The following LRP1B variants were observed in gnomAD, a reference collection of about 807,000 sequenced individuals.
LRP1B encodes LDL receptor related protein 1B, also known as low-density lipoprotein receptor-related protein 1B.
A neutral mutation model predicts 556.6 loss-of-function variants in LRP1B; 217 were observed. The ratio of observed to expected loss-of-function variants is 0.39; its 90% CI spans 0.35 to 0.44. The LOEUF is 0.44. Ranked by LOEUF, LRP1B falls within the 20% of genes least tolerant of loss-of-function variation. The pLI, the probability that LRP1B is intolerant of heterozygous loss-of-function variation, is 1.00. For synonymous variants in LRP1B, 2,047 were observed against 1,865.8 expected (o/e 1.10, Z -2.50); for missense variants, 5,053 against 5,620.8 (o/e 0.90, Z 3.23).
At chr2:140,983,831 T>C (rs990955591) in intron 17 of LRP1B, among the ~76,000 whole-genome samples, 2 of 151,970 alleles carry the variant, frequency 1.3e-5, no homozygotes, top group African/African-American at 4.8e-5. Flanking sequence ...ATTTTTTACA[T>C]TTTACAAATT....
chr2:141,190,027 C>A (rs1463544788), intron 6 of LRP1B, among the ~76,000 whole-genome samples: 1 of 151,918 alleles, frequency 6.6e-6, no homozygotes, highest in East Asian at 1.9e-4. Context: ...AAGATTAAGT[C>A]AGAAGAAAAG....
At chr2:141,916,105 CA>C (rs1238320021) in intron 1 of LRP1B, among the ~76,000 whole-genome samples, 3 of 152,038 alleles carry the variant, frequency 2.0e-5, no homozygotes, top group East Asian at 1.9e-4. Flanking sequence ...AATCATTTTA[CA>C]AAAAAACACA....
intron 1 of LRP1B, among the ~76,000 whole-genome samples, chr2:141,862,390 C>T (rs975610044): frequency 6.6e-6 from 1 of 152,072 alleles, no homozygotes; most frequent in African/African-American, 2.4e-5. Context: ...TTGCCATAAA[C>T]ACCAATAAAA....
At chr2:141,957,753 G>A (rs1035109782) in intron 1 of LRP1B, among the ~76,000 whole-genome samples, 41 of 151,902 alleles carry the variant, frequency 2.7e-4, no homozygotes, top group Admixed American at 2.0e-3. Flanking sequence ...ATATACTGGC[G>A]AGAATATTTT....
chr2:140,654,284 A>T (rs1684795043), intron 41 of LRP1B, among the ~76,000 whole-genome samples: 1 of 152,152 alleles, frequency 6.6e-6, no homozygotes, highest in South Asian at 2.1e-4. Flanking sequence ...GACTATTAAA[A>T]ATCTGAGGAG....
At chr2:141,850,183 A>C (rs1273740992) in intron 1 of LRP1B, among the ~76,000 whole-genome samples, 1 of 151,742 alleles carries the variant, frequency 6.6e-6, no homozygotes, top group African/African-American at 2.4e-5. Context: ...AGCAAGGATT[A>C]ATTATCAATC....
intron 3 of LRP1B, among the ~76,000 whole-genome samples, chr2:141,322,256 G>A (rs1235474830): frequency 6.6e-6 from 1 of 152,030 alleles, no homozygotes; most frequent in Non-Finnish European, 1.5e-5. Context: ...CTTAAGGAAT[G>A]GGCAAGGGAA....
At chr2:140,944,917 C>G (rs1262716998) in intron 20 of LRP1B, among the ~76,000 whole-genome samples, 3 of 152,052 alleles carry the variant, frequency 2.0e-5, no homozygotes, top group Non-Finnish European at 4.4e-5. Flanking sequence ...AGAGAGCAAT[C>G]AGTTAATAGA....
At chr2:140,836,285 G>A (rs1691900156) in intron 31 of LRP1B, among the ~76,000 whole-genome samples, 1 of 152,124 alleles carries the variant, frequency 6.6e-6, no homozygotes, top group African/African-American at 2.4e-5. Context: ...ATATGCAACT[G>A]TGCCTTAGAA....
At chr2:141,565,695 G>T (rs988631136) in intron 2 of LRP1B, among the ~76,000 whole-genome samples, 1 of 152,172 alleles carries the variant, frequency 6.6e-6, no homozygotes, top group African/African-American at 2.4e-5. Context: ...ATATGAAATG[G>T]CAAAATATAT....
chr2:141,672,674 A>C (rs1690718950), intron 2 of LRP1B, among the ~76,000 whole-genome samples: 1 of 152,200 alleles, frequency 6.6e-6, no homozygotes, highest in South Asian at 2.1e-4. Context: ...CTGTGGAATG[A>C]CTAGGGAAAA....
rs553571247 is a variant in LRP1B, at chr2:141,435,755, A to G, written c.343+44641T>C. ...GCTGAACCAGGGAGATCAGGCTCCC[A>G]ATATTCTTGGCACACTGTGCCTGAA... On this transcript the variant is annotated intron_variant, in intron 3 of 90. Coordinates refer to ENST00000389484, the MANE Select transcript of LRP1B (RefSeq NM_018557.3). Among the ~76,000 whole-genome samples, 10 of 152,250 alleles carry G rather than the reference A, an allele frequency of 6.6e-5. No individual in the cohort carries two copies. The East Asian group carries it at 1.9e-3, about 29-fold the overall frequency.
intron 2 of LRP1B, among the ~76,000 whole-genome samples, chr2:141,613,945 C>A (rs997222599): frequency 1.3e-5 from 2 of 150,946 alleles, no homozygotes; most frequent in Admixed American, 1.3e-4. Context: ...TAGTGGCAGG[C>A]GCCTATAATC....
chr2:141,545,090 A>G (rs936316451), intron 2 of LRP1B, among the ~76,000 whole-genome samples: 1 of 152,218 alleles, frequency 6.6e-6, no homozygotes, highest in African/African-American at 2.4e-5. Flanking sequence ...AGAGAGATCA[A>G]ATAACTTGTC....
At chr2:140,419,077 A>G (rs1192287974) in intron 66 of LRP1B, among the ~76,000 whole-genome samples, 1 of 152,200 alleles carries the variant, frequency 6.6e-6, no homozygotes, top group Admixed American at 6.5e-5. Flanking sequence ...TTAGGGAAAC[A>G]TTTCTGAGCA....
chr2:142,104,933 G>GT (rs1415079859), intron 1 of LRP1B, among the ~76,000 whole-genome samples: 5 of 152,196 alleles, frequency 3.3e-5, no homozygotes, highest in African/African-American at 1.2e-4. Flanking sequence ...TGTCTCAAAT[G>GT]TCCTAACATG....
intron 2 of LRP1B, among the ~76,000 whole-genome samples, chr2:141,486,929 C>A (rs962498475): frequency 6.6e-6 from 1 of 152,136 alleles, no homozygotes; most frequent in African/African-American, 2.4e-5. Context: ...CTCTGTGGTC[C>A]CGGCCACAGT....
intron 41 of LRP1B, among the ~76,000 whole-genome samples, chr2:140,601,924 C>A (rs780697030): frequency 6.6e-6 from 1 of 152,040 alleles, no homozygotes; most frequent in Non-Finnish European, 1.5e-5. Context: ...TGGTGGCTCT[C>A]TTTCTTGTAT....
At chr2:141,404,417 G>T (rs1573906957) in intron 3 of LRP1B, among the ~76,000 whole-genome samples, 2 of 152,092 alleles carry the variant, frequency 1.3e-5, no homozygotes, top group Admixed American at 1.3e-4. Flanking sequence ...AAAGTAGCCA[G>T]GAAGGGAAGT....
Sources: gnomAD v4.1 joint callset for allele counts (sites outside exome capture counted in the v4.1 genomes callset) on GRCh38, gnomAD v4.1.1 for gene constraint, MANE v1.5 for transcripts, NCBI Gene and HGNC (gene_info 2026-07-23, HGNC 2026-07-21) for gene names.